The following DLG2 variants were observed in gnomAD, a reference collection of about 807,000 sequenced individuals.
DLG2 encodes discs large MAGUK scaffold protein 2.
DLG2 carries 45 observed loss-of-function variants against 132.5 expected under a neutral mutation model. The ratio of observed to expected loss-of-function variants is 0.34; its 90% confidence interval spans 0.27 to 0.44. The LOEUF is 0.44. Ranked by LOEUF, DLG2 falls within the 20% of genes least tolerant of loss-of-function variation. DLG2 has a pLI of 1.00. For synonymous variants in DLG2, 424 were observed against 419.6 expected (o/e 1.01, Z -0.13); for missense variants, 1,045 against 1,196.9 (o/e 0.87, Z 1.87).
intron 15 of DLG2, among the ~76,000 whole-genome samples, chr11:83,909,795 C>T (rs74780824): frequency 0.018 from 2,775 of 152,156 alleles, 90 homozygotes; most frequent in African/African-American, 0.063. Flanking sequence ...CAGTATTGCT[C>T]AAGGGTTTGA....
In DLG2 at chr11:85,616,928, CACA is replaced by C. The variant is rs2081377331; in HGVS notation, c.-93+9656_-93+9658del. On this transcript the variant is annotated intron_variant, in intron 2 of 27. Transcript: ENST00000376104. ...ACCAGACGAGAAAGAGCTATCTAGA[CACA>C]ACAACTCATATGTCAGAAGTAAGCT... Among the ~76,000 whole-genome samples, 6 of 152,280 alleles carry C rather than the reference CACA, an allele frequency of 3.9e-5. No individual in the cohort carries two copies. The South Asian group carries it at 1.2e-3, about 32-fold the overall frequency.
chr11:85,013,378 T>C (rs2059313329), intron 6 of DLG2, among the ~76,000 whole-genome samples: 1 of 152,120 alleles, frequency 6.6e-6, no homozygotes. Context: ...GAAGTAGCCA[T>C]GGTGGAAGAA....
intron 3 of DLG2, among the ~76,000 whole-genome samples, chr11:85,334,170 G>C (rs1480944409): frequency 6.6e-6 from 1 of 152,050 alleles, no homozygotes; most frequent in Non-Finnish European, 1.5e-5. Context: ...GACATTTTAT[G>C]GTTCTAGGAG....
intron 6 of DLG2, among the ~76,000 whole-genome samples, chr11:84,928,302 A>ATTTTT (rs1325177002): frequency 1.3e-5 from 2 of 151,944 alleles, no homozygotes; most frequent in African/African-American, 2.4e-5. Flanking sequence ...CTTGGTTTAA[A>ATTTTT]TTCCTTTTCT....
intron 6 of DLG2, among the ~76,000 whole-genome samples, chr11:84,660,686 A>T (rs762648782): frequency 2.0e-4 from 31 of 152,138 alleles, no homozygotes; most frequent in Non-Finnish European, 3.8e-4. Flanking sequence ...CCAGCCTTTG[A>T]TTTACGCATT....
intron 7 of DLG2, among the ~76,000 whole-genome samples, chr11:84,430,673 T>A (rs899967430): frequency 3.9e-5 from 6 of 152,186 alleles, no homozygotes; most frequent in African/African-American, 1.4e-4. Flanking sequence ...ATTTCTCTGA[T>A]CCTGCCCTTT....
At chr11:84,565,408 C>A (rs2099449248) in intron 6 of DLG2, among the ~76,000 whole-genome samples, 1 of 152,066 alleles carries the variant, frequency 6.6e-6, no homozygotes, top group Admixed American at 6.6e-5. Flanking sequence ...CACATAGGTA[C>A]AACAATTTCC....
At chr11:84,591,596 G>A (rs1162327889) in intron 6 of DLG2, among the ~76,000 whole-genome samples, 4 of 151,852 alleles carry the variant, frequency 2.6e-5, no homozygotes, top group Non-Finnish European at 5.9e-5. Context: ...GGGAGGTGGA[G>A]GTTGCAGTGA....
rs770162788 is a variant in DLG2, at chr11:84,906,825, C to T, written c.357+204836G>A. Among the ~76,000 whole-genome samples, 5 of 152,112 alleles carry T rather than the reference C, an allele frequency of 3.3e-5. No homozygotes were observed. In the South Asian group the frequency reaches 6.2e-4, roughly 19 times the overall value. On this transcript the variant is annotated intron_variant, in intron 6 of 27. Coordinates refer to ENST00000376104, the MANE Select transcript of DLG2 (RefSeq NM_001142699.3). Reference sequence around the variant, plus strand: ...AGCTGCATAGAAAGAGAGAAAAGAACTGAATCCAAGGCATGGAAAGCTAAA... The same window carrying T: ...AGCTGCATAGAAAGAGAGAAAAGAATTGAATCCAAGGCATGGAAAGCTAAA...
intron 5 of DLG2, among the ~76,000 whole-genome samples, chr11:85,115,096 G>T (rs1192139667): frequency 6.6e-6 from 1 of 151,626 alleles, no homozygotes; most frequent in Non-Finnish European, 1.5e-5. Flanking sequence ...TTTTCGGGGT[G>T]GGGGTGCGGT....
At chr11:84,750,885 T>C (rs547090844) in intron 6 of DLG2, among the ~76,000 whole-genome samples, 1 of 152,306 alleles carries the variant, frequency 6.6e-6, no homozygotes, top group African/African-American at 2.4e-5. Flanking sequence ...TTGTTTTTAG[T>C]ACCTAATTAA....
chr11:83,705,957 G>A (rs113112870), intron 18 of DLG2, among the ~76,000 whole-genome samples: 317 of 152,264 alleles, frequency 2.1e-3, no homozygotes, highest in African/African-American at 7.1e-3. Flanking sequence ...GGTGGCTCAC[G>A]CCTGTAATCC....
intron 6 of DLG2, among the ~76,000 whole-genome samples, chr11:85,007,664 C>CAAAAAAAAAAAAAAAAA (rs57188165): frequency 6.8e-5 from 6 of 88,532 alleles, no homozygotes; most frequent in East Asian, 2.9e-4. Context: ...GACTCCGTCT[C>CAAAAAAAAAAAAAAAAA]AAAAAAAAAA....
chr11:83,743,959 G>A (rs1171605825), intron 18 of DLG2, among the ~76,000 whole-genome samples: 1 of 152,132 alleles, frequency 6.6e-6, no homozygotes, highest in Non-Finnish European at 1.5e-5. Context: ...CCTGACTACA[G>A]AGGCTGGAAA....
intron 6 of DLG2, among the ~76,000 whole-genome samples, chr11:84,935,545 C>A (rs2048638703): frequency 6.6e-6 from 1 of 152,150 alleles, no homozygotes; most frequent in South Asian, 2.1e-4. Flanking sequence ...ACCTGCTTTT[C>A]CATAGGTCTG....
At chr11:84,354,273 A>AT (rs1167934148) in intron 7 of DLG2, among the ~76,000 whole-genome samples, 17 of 152,190 alleles carry the variant, frequency 1.1e-4, no homozygotes, top group African/African-American at 3.9e-4. Context: ...TCAATGCATT[A>AT]TAAGTATTGA....
At chr11:84,695,889 T>C (rs1025628928) in intron 6 of DLG2, among the ~76,000 whole-genome samples, 1 of 151,464 alleles carries the variant, frequency 6.6e-6, no homozygotes, top group African/African-American at 2.4e-5. Context: ...GGGTACTGTT[T>C]ACTGAAATGT....
intron 3 of DLG2, among the ~76,000 whole-genome samples, chr11:85,481,075 T>A (rs2093277179): frequency 6.6e-6 from 1 of 152,220 alleles, no homozygotes; most frequent in Admixed American, 6.5e-5. Context: ...AAACTTCAGT[T>A]TTCTCATTTG....
At chr11:85,498,617 C>T (rs2093723398) in intron 3 of DLG2, among the ~76,000 whole-genome samples, 1 of 152,176 alleles carries the variant, frequency 6.6e-6, no homozygotes, top group South Asian at 2.1e-4. Context: ...CCCAAATCAA[C>T]AGAATATACA....
Sources: gnomAD v4.1 joint callset for allele counts (sites outside exome capture counted in the v4.1 genomes callset) on GRCh38, gnomAD v4.1.1 for gene constraint, MANE v1.5 for transcripts, NCBI Gene and HGNC (gene_info 2026-07-23, HGNC 2026-07-21) for gene names.